The following SPMAP2L variants were observed in gnomAD, a reference collection of about 807,000 sequenced individuals.
The protein encoded by SPMAP2L is sperm microtubule associated protein 2 like.
chr4:56,544,219 G>C, the SPMAP2L span, among the ~76,000 whole-genome samples: 1 of 152,076 alleles, frequency 6.6e-6, no homozygotes, highest in African/African-American at 2.4e-5. Context: ...GAACTCCTGA[G>C]CTCAAGTGAT....
chr4:56,559,044 C>T, the SPMAP2L span, among the ~76,000 whole-genome samples: 1 of 152,080 alleles, frequency 6.6e-6, no homozygotes, highest in African/African-American at 2.4e-5. Flanking sequence ...AGGGATTCTG[C>T]TGCTTCAGCC....
the SPMAP2L span, chr4:56,596,619 G>A: frequency 1.3e-6 from 2 of 1,523,530 alleles, no homozygotes; most frequent in Non-Finnish European, 1.7e-6. Flanking sequence ...GAAGTGAACT[G>A]CCCATCCGTC....
At chr4:56,532,121 G>C in the SPMAP2L span, among the ~76,000 whole-genome samples, 2 of 152,144 alleles carry the variant, frequency 1.3e-5, no homozygotes, top group Non-Finnish European at 2.9e-5. Context: ...GGCACTGCCT[G>C]GCAAGCTCAC....
the SPMAP2L span, chr4:56,595,254 C>T: frequency 3.7e-6 from 6 of 1,612,090 alleles, no homozygotes; most frequent in South Asian, 3.3e-5. Flanking sequence ...TTATTTTGGA[C>T]ACGAGACCCT....
the SPMAP2L span, among the ~76,000 whole-genome samples, chr4:56,591,203 G>T: frequency 6.6e-6 from 1 of 152,054 alleles, no homozygotes; most frequent in Non-Finnish European, 1.5e-5. Flanking sequence ...CAGGAGATTT[G>T]GTTGTTAAAA....
the SPMAP2L span, among the ~76,000 whole-genome samples, chr4:56,546,790 G>C: frequency 6.6e-6 from 1 of 152,172 alleles, no homozygotes; most frequent in Non-Finnish European, 1.5e-5. Flanking sequence ...AAAGCTGAAA[G>C]GCAAGGTTGG....
the SPMAP2L span, among the ~76,000 whole-genome samples, chr4:56,561,445 T>C: frequency 6.6e-6 from 1 of 152,192 alleles, no homozygotes; most frequent in Non-Finnish European, 1.5e-5. Context: ...TGGCATCTGC[T>C]CGGCTTCTGG....
chr4:56,568,164 A>G, the SPMAP2L span, among the ~76,000 whole-genome samples: 2 of 152,118 alleles, frequency 1.3e-5, no homozygotes, highest in Non-Finnish European at 2.9e-5. Context: ...TTTTGTGTCT[A>G]CTTAACATGC....
the SPMAP2L span, among the ~76,000 whole-genome samples, chr4:56,559,788 C>G: frequency 6.6e-6 from 1 of 152,184 alleles, no homozygotes; most frequent in Non-Finnish European, 1.5e-5. Flanking sequence ...AGACTGGTCT[C>G]GAGCTCCTGA....
chr4:56,621,587 A>C, the SPMAP2L span, among the ~76,000 whole-genome samples: 1 of 152,246 alleles, frequency 6.6e-6, no homozygotes, highest in South Asian at 2.1e-4. Context: ...CTGCTTGTAC[A>C]TAGGAATAGA....
chr4:56,621,136 T>A, the SPMAP2L span, among the ~76,000 whole-genome samples: 757 of 152,312 alleles, frequency 5.0e-3, 6 homozygotes, highest in African/African-American at 0.017. Flanking sequence ...GAAAATGGTA[T>A]GAATAAGGCA....
At chr4:56,609,026 T>G in the SPMAP2L span, among the ~76,000 whole-genome samples, 1 of 151,520 alleles carries the variant, frequency 6.6e-6, no homozygotes, top group African/African-American at 2.4e-5. Context: ...GATATCACTA[T>G]TGTCTTTTTT....
At chr4:56,571,574 G>A in the SPMAP2L span, among the ~76,000 whole-genome samples, 3,845 of 152,184 alleles carry the variant, frequency 0.025, 161 homozygotes, top group African/African-American at 0.088. Flanking sequence ...GCCTGAGCAT[G>A]GTGGCTAGCA....
chr4:56,571,395 C>T, the SPMAP2L span, among the ~76,000 whole-genome samples: 5 of 151,642 alleles, frequency 3.3e-5, no homozygotes, highest in Non-Finnish European at 7.4e-5. Flanking sequence ...TCACTGTAAC[C>T]GCAGCCTCCT....
the SPMAP2L span, among the ~76,000 whole-genome samples, chr4:56,600,192 A>C: frequency 1.5e-5 from 2 of 136,882 alleles, no homozygotes; most frequent in Non-Finnish European, 3.0e-5. Flanking sequence ...TGATCTGCTC[A>C]CCTCAGCCTC....
the SPMAP2L span, among the ~76,000 whole-genome samples, chr4:56,602,303 G>A: frequency 5.9e-5 from 9 of 152,084 alleles, no homozygotes; most frequent in Non-Finnish European, 1.0e-4. Context: ...AAATATGCTA[G>A]TCTTATATAA....
the SPMAP2L span, among the ~76,000 whole-genome samples, chr4:56,602,199 T>C: frequency 2.6e-5 from 4 of 152,222 alleles, no homozygotes; most frequent in African/African-American, 9.6e-5. Context: ...TTTGTTACCT[T>C]GACGGATAAC....
At chr4:56,614,591 TTGCAG>T in the SPMAP2L span, among the ~76,000 whole-genome samples, 1 of 151,912 alleles carries the variant, frequency 6.6e-6, no homozygotes, top group Non-Finnish European at 1.5e-5. Flanking sequence ...GAGGCAGAGG[TTGCAG>T]TGAGCTGAGA....
the SPMAP2L span, among the ~76,000 whole-genome samples, chr4:56,591,247 G>T: frequency 2.6e-5 from 4 of 152,044 alleles, no homozygotes; most frequent in African/African-American, 9.7e-5. Context: ...TCTGTCTCCT[G>T]TTCCCACCAT....
Sources: allele counts gnomAD v4.1 joint callset (sites outside exome capture counted in the v4.1 genomes callset), GRCh38; gene constraint gnomAD v4.1.1; transcripts MANE v1.5; gene names NCBI Gene and HGNC (gene_info 2026-07-23, HGNC 2026-07-21).